The following SZRD1 variants were observed in gnomAD, a reference collection of about 807,000 sequenced individuals.
SZRD1 encodes the protein SUZ RNA-binding domain-containing.
In SZRD1, 7 loss-of-function variants were observed where a neutral mutation model predicts 17.6. That is an observed-to-expected ratio of 0.40 (90% CI 0.23 to 0.75). The LOEUF is 0.75. Ranked by LOEUF, SZRD1 falls within the 30% of genes least tolerant of loss-of-function variation. SZRD1 has a pLI of 0.38. For synonymous variants in SZRD1, 77 were observed against 77.9 expected, an observed-to-expected ratio of 0.99 and a Z score of 0.06; for missense variants, 178 against 201.8, an observed-to-expected ratio of 0.88 and a Z score of 0.71.
Position 16,395,658 on chromosome 1 carries a change from A to C in SZRD1, c.*518A>C, listed in dbSNP as rs2085299213. 3 of 158,036 alleles carry C rather than the reference A, an allele frequency of 1.9e-5. No individual in the cohort carries two copies. Among genetic ancestry groups the C allele is most frequent in the Admixed American group, 1.2e-4 (2 of 16,550 alleles). The allele number at this position is 158,036 out of a possible 1,614,324, so 9.8% of individuals were successfully genotyped here. ...TTTATACAAATATCTGATTTGCAAG[A>C]AAAAGTGCATGGGAGGGGTTTTAGT... On this transcript the variant is annotated 3_prime_UTR_variant, in exon 4 of 4. Transcript: ENST00000401088.
In SZRD1 at chr1:16,369,611, A is replaced by G. The variant is rs551542296; in HGVS notation, c.51+2303A>G. On this transcript the variant is annotated intron_variant, in intron 1 of 3. Transcript: ENST00000401088. ...TATCCTTTAAAAATGTACCGCGGCC[A>G]GGTGCTGTGGCTCACGCCTGTAATC... The G allele has an allele frequency of 1.0e-5, 6 of 601,176 alleles. 1 individual carries two copies. The highest frequency in any genetic ancestry group is 9.6e-5 in the South Asian group (5 of 52,196). 37.2% of individuals were successfully genotyped at this position (601,176 alleles called of 1,614,324 possible).
rs1296575294 is a variant in SZRD1, at chr1:16,393,987, G to A, written c.356+505G>A. On this transcript the variant is annotated intron_variant, in intron 3 of 3. Transcript: ENST00000401088. The surrounding 1 kb of genome is among the most constrained non-coding windows in gnomAD (Gnocchi z 5.6). ...TTTGATGATATTTTCTGGGTCTCCA[G>A]TATGCCCACTGTGATGTTTTTGTGA... 6.6e-6 allele frequency among the ~76,000 whole-genome samples: 1 copy of A among 152,206 alleles called. No homozygotes were observed. Among genetic ancestry groups the A allele is most frequent in the Non-Finnish European group, 1.5e-5 (1 of 68,040 alleles).
At chr1:16,367,671 T>C (rs1200857025) in intron 1 of SZRD1, 2 of 298,266 alleles carry the variant, frequency 6.7e-6, no homozygotes, top group Non-Finnish European at 1.3e-5. Context: ...AAAGTTCTTG[T>C]GCTCTGACCG....
At position 16,391,263 on chromosome 1, in the gene SZRD1, C is replaced by A; in HGVS notation, c.52-112C>A. The stretch of plus-strand genomic sequence containing the variant: ...TCCACATTTGTTATGTTGAAGGACA[C>A]AGTCATGTCCCTGGCTAGAGAAAGG... On this transcript the variant is annotated intron_variant, in intron 1 of 3. Coordinates refer to ENST00000401088, the MANE Select transcript of SZRD1 (RefSeq NM_001114600.3). This position sits in a 1 kb window ranked among gnomAD's most constrained non-coding sequence, Gnocchi z 4.3. 1.3e-6 allele frequency: 1 copy of A among 773,376 alleles called. No individual in the cohort carries two copies. Among genetic ancestry groups the A allele is most frequent in the Non-Finnish European group, 2.1e-6 (1 of 468,828 alleles). The allele number at this position is 773,376 out of a possible 1,614,324, so 47.9% of individuals were successfully genotyped here.
intron 1 of SZRD1, among the ~76,000 whole-genome samples, chr1:16,374,463 C>G (rs904873027): frequency 6.6e-6 from 1 of 152,210 alleles, no homozygotes; most frequent in South Asian, 2.1e-4. Flanking sequence ...CCAGCGTGCT[C>G]TGGGTATCAA....
At chr1:16,374,385 A>G (rs1203076410) in intron 1 of SZRD1, among the ~76,000 whole-genome samples, 1 of 152,152 alleles carries the variant, frequency 6.6e-6, no homozygotes, top group Non-Finnish European at 1.5e-5. Flanking sequence ...CAAAGAAAGG[A>G]GGATAATGAG....
At chr1:16,371,575 C>T (rs1295955740) in intron 1 of SZRD1, among the ~76,000 whole-genome samples, 1 of 151,780 alleles carries the variant, frequency 6.6e-6, no homozygotes, top group Non-Finnish European at 1.5e-5. Flanking sequence ...CATTCTCCTG[C>T]CTCAGCCTCC....
intron 1 of SZRD1, among the ~76,000 whole-genome samples, chr1:16,373,557 C>G (rs1569998749): frequency 8.1e-6 from 1 of 123,596 alleles, no homozygotes; most frequent in South Asian, 2.6e-4. Flanking sequence ...CCAGCCTGGG[C>G]AACAAGAGTG....
At chr1:16,388,608 A>G (rs1394050794) in intron 1 of SZRD1, among the ~76,000 whole-genome samples, 1 of 152,012 alleles carries the variant, frequency 6.6e-6, no homozygotes, top group Admixed American at 6.6e-5. Flanking sequence ...TTAATATGAA[A>G]CAATACATTA....
intron 1 of SZRD1, among the ~76,000 whole-genome samples, chr1:16,383,754 G>C (rs967014032): frequency 6.6e-6 from 1 of 151,162 alleles, no homozygotes; most frequent in Non-Finnish European, 1.5e-5. Flanking sequence ...TGAGTAGCTG[G>C]GATTACAGGC....
intron 1 of SZRD1, among the ~76,000 whole-genome samples, chr1:16,372,292 G>A (rs1027795604): frequency 4.6e-5 from 7 of 152,064 alleles, no homozygotes; most frequent in East Asian, 3.9e-4. Context: ...GGCCAACATG[G>A]TGAAACCCCG....
rs2085222281 is a variant in SZRD1 at position 16,391,519 on chromosome 1, G to A, written c.101+95G>A. On this transcript the variant is annotated intron_variant, in intron 2 of 3. Coordinates refer to ENST00000401088, the MANE Select transcript of SZRD1 (RefSeq NM_001114600.3). The surrounding 1 kb of genome is among the most constrained non-coding windows in gnomAD (Gnocchi z 4.3). ...TCCAGCTGGCCATTAGGATTAGCAG[G>A]TCCTAGCAGGTCAGGCTCTGGGGCA... 9.5e-7 allele frequency: 1 copy of A among 1,057,188 alleles called. No homozygotes were observed. The highest frequency in any genetic ancestry group is 1.4e-6 in the Non-Finnish European group (1 of 713,012). The allele number at this position is 1,057,188 out of a possible 1,614,324, so 65.5% of individuals were successfully genotyped here. A position where few individuals can be genotyped will look rare whatever the true frequency, so the allele number is the denominator to read the frequency against.
At position 16,393,090 on chromosome 1, in the gene SZRD1, G is replaced by T. The variant is rs979265008; in HGVS notation, c.102-138G>T. The T allele has an allele frequency of 1.2e-5, 15 of 1,235,270 alleles. No individual in the cohort carries two copies. In the East Asian group the frequency reaches 3.5e-4, roughly 29 times the overall value. 76.5% of individuals were successfully genotyped at this position (1,235,270 alleles called of 1,614,324 possible). ...CTTCTTGAGGAGTGGAAATTTTGCT[G>T]TCTGGTCAGAGGCCAGAGAATCATG... On this transcript the variant is annotated intron_variant, in intron 2 of 3. Transcript: ENST00000401088. The surrounding 1 kb of genome is among the most constrained non-coding windows in gnomAD (Gnocchi z 5.6).
chr1:16,387,158 C>T, intron 1 of SZRD1: 1 of 387,040 alleles, frequency 2.6e-6, no homozygotes, highest in Middle Eastern at 3.6e-4. Context: ...TATTATATTA[C>T]ATGCCAAGTA....
chr1:16,392,566 C>T (rs1459253948), intron 2 of SZRD1, among the ~76,000 whole-genome samples: 1 of 152,204 alleles, frequency 6.6e-6, no homozygotes, highest in Non-Finnish European at 1.5e-5. Flanking sequence ...ACTCCAGCCC[C>T]GCCGCTGTCC....
chr1:16,391,351 T>C lies in SZRD1; in HGVS notation c.52-24T>C. On this transcript the variant is annotated intron_variant, in intron 1 of 3. Coordinates refer to ENST00000401088, the MANE Select transcript of SZRD1 (RefSeq NM_001114600.3). This position sits in a 1 kb window ranked among gnomAD's most constrained non-coding sequence, Gnocchi z 4.3. ...TATTTGAGAGAGATTTTTTCCTCTT[T>C]TTATATACATTTTTTTCCTCTAGGA... 1 of 1,512,164 alleles carries C rather than the reference T, an allele frequency of 6.6e-7. No individual in the cohort carries two copies. The allele number at this position is 1,512,164 out of a possible 1,614,324, so 93.7% of individuals were successfully genotyped here. A position where few individuals can be genotyped will look rare whatever the true frequency, so the allele number is the denominator to read the frequency against.
chr1:16,383,623 C>CTTTT (rs560831090), intron 1 of SZRD1, among the ~76,000 whole-genome samples: 3 of 131,160 alleles, frequency 2.3e-5, no homozygotes, highest in African/African-American at 8.5e-5. Flanking sequence ...TCTTTTTTTC[C>CTTTT]TTTTTTTTTT....
At position 16,394,968 on chromosome 1, in the gene SZRD1, A is replaced by T. The variant is rs184502830; in HGVS notation, c.357-70A>T. ...AGACTCCGTCTCAAAAATAAATAAA[A>T]AATAAAGAAATGATGGGGGACATCT... On this transcript the variant is annotated intron_variant, in intron 3 of 3. Transcript: ENST00000401088. The T allele has an allele frequency of 2.2e-4, 206 of 937,378 alleles. 3 individuals are homozygous for T. In the African/African-American group the frequency reaches 2.9e-3, roughly 13 times the overall value. The allele number at this position is 937,378 out of a possible 1,614,324, so 58.1% of individuals were successfully genotyped here. A position where few individuals can be genotyped will look rare whatever the true frequency, so the allele number is the denominator to read the frequency against.
intron 1 of SZRD1, among the ~76,000 whole-genome samples, chr1:16,367,516 C>T (rs1368369184): frequency 6.6e-6 from 1 of 152,232 alleles, no homozygotes; most frequent in African/African-American, 2.4e-5. Flanking sequence ...GCCTGGTGCG[C>T]CTCCCTCCGC....
Sources: gnomAD v4.1 joint callset for allele counts (sites outside exome capture counted in the v4.1 genomes callset) on GRCh38, gnomAD v4.1.1 for gene constraint, Gnocchi (gnomAD v3.1) non-coding constraint, MANE v1.5 for transcripts, NCBI Gene and HGNC (gene_info 2026-07-23, HGNC 2026-07-21) for gene names.